CALN1: variants seen among roughly 807,000 people sequenced by gnomAD.
The protein encoded by CALN1 is calcium-binding protein 8.
Under a neutral mutation model 30.6 loss-of-function variants are expected in CALN1, and 17 were observed. The observed-to-expected ratio is 0.56, with a 90% confidence interval of 0.38 to 0.83. CALN1 has a LOEUF of 0.83. CALN1 is among the 40% of genes least tolerant of loss of function. CALN1 has a pLI of 0.00. For missense variants in CALN1, 291 were observed against 354.9 expected (o/e 0.82, Z 1.45); for synonymous variants, 156 against 131.4 (o/e 1.19, Z -1.28).
rs76114535 is a variant in CALN1, at chr7:71,810,064, T to C, written c.658+272A>G. 9.9e-5 allele frequency among the ~76,000 whole-genome samples: 15 copies of C among 151,856 alleles called. 1 individual carries two copies. The highest frequency in any genetic ancestry group is 9.7e-4 in the East Asian group (5 of 5,160). On this transcript the variant is annotated intron_variant, in intron 6 of 6. Transcript: ENST00000395275. ...AAGGCAAACAGCACAAAACCACACATCCAATCACACGCAGACCTCAGAGAG... is the reference window on the plus strand; with the variant it reads ...AAGGCAAACAGCACAAAACCACACACCCAATCACACGCAGACCTCAGAGAG...
At chr7:72,332,495 A>C (rs1801742787) in intron 2 of CALN1, among the ~76,000 whole-genome samples, 1 of 151,886 alleles carries the variant, frequency 6.6e-6, no homozygotes, top group Admixed American at 6.6e-5. Flanking sequence ...TGGTCCAGCT[A>C]CTTGGACCAA....
chr7:71,823,796 C>A (rs1788744029), intron 5 of CALN1, among the ~76,000 whole-genome samples: 1 of 152,054 alleles, frequency 6.6e-6, no homozygotes, highest in Non-Finnish European at 1.5e-5. Context: ...GCTTAATGGA[C>A]TCACAGTTCC....
At chr7:72,393,741 GCTT>G (rs1239299507) in intron 2 of CALN1, among the ~76,000 whole-genome samples, 2 of 115,046 alleles carry the variant, frequency 1.7e-5, no homozygotes, top group African/African-American at 3.7e-5. Context: ...TGACCATAGA[GCTT>G]TTTTTTTTTT....
At chr7:72,290,657 C>T (rs1449935467) in intron 2 of CALN1, among the ~76,000 whole-genome samples, 1 of 152,140 alleles carries the variant, frequency 6.6e-6, no homozygotes, top group Admixed American at 6.5e-5. Flanking sequence ...ATAGTGTTGT[C>T]CATATTCTTT....
At position 71,987,117 on chromosome 7, in the gene CALN1, C is replaced by A. The variant is rs541715904; in HGVS notation, c.501+36540G>T. On this transcript the variant is annotated intron_variant, in intron 5 of 6. Coordinates refer to ENST00000395275, the MANE Select transcript of CALN1 (RefSeq NM_031468.4). Reference sequence around the variant, plus strand: ...CTCCAGCCTCGGTGACAGAGCGAAGCTTCGTGTCAAAAAAAAAAAAAAATC... The same window carrying A: ...CTCCAGCCTCGGTGACAGAGCGAAGATTCGTGTCAAAAAAAAAAAAAAATC... 3.3e-5 allele frequency among the ~76,000 whole-genome samples: 5 copies of A among 150,730 alleles called. No individual in the cohort carries two copies. In the South Asian group the frequency reaches 1.0e-3, roughly 32 times the overall value.
intron 3 of CALN1, among the ~76,000 whole-genome samples, chr7:72,203,990 T>A (rs1791639421): frequency 1.3e-5 from 1 of 79,572 alleles, no homozygotes; most frequent in Admixed American, 1.5e-4. Flanking sequence ...TTTTTTTTTT[T>A]TTTTTTTTTT....
At chr7:71,829,857 C>T (rs1381227841) in intron 5 of CALN1, among the ~76,000 whole-genome samples, 1 of 152,112 alleles carries the variant, frequency 6.6e-6, no homozygotes, top group African/African-American at 2.4e-5. Context: ...AGAAAATTCC[C>T]CATTGCACAT....
At chr7:72,503,797 T>A in the CALN1 span, among the ~76,000 whole-genome samples, 1 of 151,366 alleles carries the variant, frequency 6.6e-6, no homozygotes, top group African/African-American at 2.4e-5. Context: ...CTCTGTTTGC[T>A]ACCGAGATCT....
At chr7:72,158,139 G>A (rs1046665416) in intron 3 of CALN1, among the ~76,000 whole-genome samples, 3 of 152,202 alleles carry the variant, frequency 2.0e-5, no homozygotes, top group South Asian at 2.1e-4. Context: ...TTTGATGTGA[G>A]AGGCTCTGCT....
intron 2 of CALN1, among the ~76,000 whole-genome samples, chr7:72,364,030 C>A (rs937490572): frequency 6.6e-6 from 1 of 150,534 alleles, no homozygotes; most frequent in Non-Finnish European, 1.5e-5. Context: ...CCACGGTGCC[C>A]GGCACAAAAT....
intron 1 of CALN1, among the ~76,000 whole-genome samples, chr7:72,430,000 T>C (rs892150790): frequency 2.0e-5 from 3 of 150,756 alleles, no homozygotes; most frequent in Non-Finnish European, 4.4e-5. Flanking sequence ...TTTGTCCTTT[T>C]AGTAGAGACA....
At chr7:72,402,218 A>C (rs1806390480) in intron 2 of CALN1, among the ~76,000 whole-genome samples, 1 of 152,122 alleles carries the variant, frequency 6.6e-6, no homozygotes. Flanking sequence ...CCTGCCCTTG[A>C]CTTCTCAAAT....
intron 5 of CALN1, among the ~76,000 whole-genome samples, chr7:71,911,668 G>A (rs1794430974): frequency 6.6e-6 from 1 of 152,100 alleles, no homozygotes; most frequent in Non-Finnish European, 1.5e-5. Flanking sequence ...AAAATGAGAT[G>A]ACTTTCCCTG....
At chr7:72,348,267 G>A (rs1802746459) in intron 2 of CALN1, among the ~76,000 whole-genome samples, 1 of 152,196 alleles carries the variant, frequency 6.6e-6, no homozygotes, top group African/African-American at 2.4e-5. Flanking sequence ...ATAGTACAGG[G>A]CTGTGATCCA....
At chr7:72,331,431 C>T (rs1029493184) in intron 2 of CALN1, among the ~76,000 whole-genome samples, 5 of 152,104 alleles carry the variant, frequency 3.3e-5, no homozygotes, top group South Asian at 2.1e-4. Flanking sequence ...AGAAACCTAC[C>T]CCTAGATACA....
chr7:71,791,965 C>T (rs778877789), intron 6 of CALN1, among the ~76,000 whole-genome samples: 4 of 151,810 alleles, frequency 2.6e-5, no homozygotes, highest in African/African-American at 7.3e-5. Flanking sequence ...GAGCCGAGAT[C>T]GCGCCACTGC....
At chr7:72,387,653 G>C (rs1026440611) in intron 2 of CALN1, among the ~76,000 whole-genome samples, 1 of 152,098 alleles carries the variant, frequency 6.6e-6, no homozygotes, top group Non-Finnish European at 1.5e-5. Context: ...AATCCCACTT[G>C]AGACAGTCTA....
intron 2 of CALN1, among the ~76,000 whole-genome samples, chr7:72,318,441 C>T (rs983442223): frequency 3.3e-5 from 5 of 152,196 alleles, no homozygotes; most frequent in African/African-American, 1.2e-4. Context: ...ACCTTGCAAA[C>T]AGACACAAGC....
intron 4 of CALN1, among the ~76,000 whole-genome samples, chr7:72,063,829 C>CAA (rs1428503008): frequency 6.6e-6 from 1 of 152,014 alleles, no homozygotes. Context: ...AAGTATAATA[C>CAA]AAATATTCTC....
Sources: allele counts gnomAD v4.1 joint callset (sites outside exome capture counted in the v4.1 genomes callset), GRCh38; gene constraint gnomAD v4.1.1; transcripts MANE v1.5; gene names NCBI Gene and HGNC (gene_info 2026-07-23, HGNC 2026-07-21).